The following SSUH2 variants were observed in gnomAD, a reference collection of about 807,000 sequenced individuals.
SSUH2 encodes protein SSUH2 homolog.
SSUH2 carries 47 observed loss-of-function variants against 55.3 expected under a neutral mutation model. The observed-to-expected ratio is 0.85, with a 90% CI of 0.67 to 1.08. SSUH2 has a LOEUF of 1.08. SSUH2 is among the 50% of genes least tolerant of loss of function. The pLI is 0.00. For synonymous variants in SSUH2, 212 were observed against 191.5 expected (o/e 1.11, Z -0.89); for missense variants, 535 against 490.7 (o/e 1.09, Z -0.85).
At chr3:8,676,532 A>T (rs1216087220) in intron 3 of SSUH2, among the ~76,000 whole-genome samples, 4 of 150,968 alleles carry the variant, frequency 2.6e-5, no homozygotes, top group South Asian at 2.1e-4. Flanking sequence ...CACGGGGGTG[A>T]ATACTTACTG....
rs750214948 is a variant in SSUH2 at position 8,633,770 on chromosome 3, C to T, written c.235G>A (p.Ala79Thr). The change falls in exon 4 of 12, where the codon GCC becomes ACC. Residue 79 changes from alanine to threonine, a missense_variant. Physicochemically the swap from Ala to Thr is moderately conservative, Grantham distance 58 (BLOSUM62 0). Coordinates refer to ENST00000544814, the MANE Select transcript of SSUH2 (RefSeq NM_001256748.3). ...HRVPAMTEEV[A>T]REALLSFVDS... ...ACAAAGCTGAGGAGGGCTTCCCGGGCCACCTCCTCCGTCATCGCAGGGACT... is the reference window on the plus strand; with the variant it reads ...ACAAAGCTGAGGAGGGCTTCCCGGGTCACCTCCTCCGTCATCGCAGGGACT... 48 of 1,611,424 alleles carry T rather than the reference C, an allele frequency of 3.0e-5. 1 individual carries two copies. The South Asian group carries it at 4.7e-4, about 16-fold the overall frequency.
At chr3:8,640,077 G>A in intron 1 of SSUH2, 1 of 829,980 alleles carries the variant, frequency 1.2e-6, no homozygotes, top group Non-Finnish European at 1.5e-6. Flanking sequence ...GGGCTGTGGG[G>A]AGAAGGGAAT....
At chr3:8,647,891 C>T (rs1228565769), upstream of SSUH2, among the ~76,000 whole-genome samples, 1 of 152,186 alleles carries the variant, frequency 6.6e-6, no homozygotes, top group African/African-American at 2.4e-5. Flanking sequence ...GTGCCCATGG[C>T]AGGAATCAAG....
intron 5 of SSUH2, among the ~76,000 whole-genome samples, chr3:8,667,327 G>A (rs1704082274): frequency 1.3e-5 from 2 of 152,300 alleles, no homozygotes; most frequent in South Asian, 4.2e-4. Context: ...TCATGGTGCT[G>A]GTGGGCATGT....
chr3:8,626,437 T>C (rs1697544235), intron 8 of SSUH2, 116 bp from the exon 9 acceptor site: 1 of 731,266 alleles, frequency 1.4e-6, no homozygotes, highest in African/African-American at 1.7e-5. Context: ...CCTGCATTGT[T>C]TGTACCTGCC....
rs939047755 is a variant in SSUH2, at chr3:8,635,328, T to C, written c.181A>G (p.Arg61Gly). The C allele has an allele frequency of 1.2e-5, 19 of 1,535,850 alleles. No homozygotes were observed. The Admixed American group carries it at 3.7e-4, about 30-fold the overall frequency. The part of the protein sequence containing the change: ...LEAPGRPQEQ[R>G]SWPSFLEHRV... ...TGTTCCAGGAACGAGGGCCAGGACCTTTGCTCCTGGGGCCTCCCTGGGGCC... is the reference window on the plus strand; with the variant it reads ...TGTTCCAGGAACGAGGGCCAGGACCCTTGCTCCTGGGGCCTCCCTGGGGCC... The change falls in exon 3 of 12, where the codon AGG becomes GGG. Residue 61 changes from arginine to glycine, a missense_variant. By Grantham distance (125) the Arg-to-Gly change is moderately radical (BLOSUM62 -2). Transcript: ENST00000544814.
intron 4 of SSUH2, among the ~76,000 whole-genome samples, chr3:8,633,028 A>G (rs377527192): frequency 6.6e-5 from 10 of 152,274 alleles, no homozygotes; most frequent in South Asian, 2.1e-4. Context: ...TCTGTAAACC[A>G]GTGACAGTGA....
At chr3:8,655,828 C>T (rs1283539648) in intron 7 of SSUH2, among the ~76,000 whole-genome samples, 3 of 152,160 alleles carry the variant, frequency 2.0e-5, no homozygotes, top group South Asian at 4.1e-4. Context: ...GCAGAAGACT[C>T]GGGAGGCAAA....
chr3:8,623,431 C>G, intron 11 of SSUH2, 118 bp downstream of exon 11: 1 of 703,062 alleles, frequency 1.4e-6, no homozygotes, highest in Non-Finnish European at 2.5e-6. Flanking sequence ...CACACTCCTC[C>G]CCCGGGACCT....
chr3:8,634,028 T>C, intron 3 of SSUH2: 2 of 1,399,434 alleles, frequency 1.4e-6, no homozygotes, highest in East Asian at 2.4e-5. Flanking sequence ...TTAGTTGAAA[T>C]GTGGAGCTTA....
intron 5 of SSUH2, among the ~76,000 whole-genome samples, chr3:8,668,675 C>A (rs567581094): frequency 2.6e-5 from 4 of 152,098 alleles, no homozygotes; most frequent in Non-Finnish European, 5.9e-5. Context: ...ATCTTTTCAG[C>A]CTTTCACTGA....
At chr3:8,626,111 T>G in intron 9 of SSUH2, 118 bp downstream of exon 9, 1 of 774,046 alleles carries the variant, frequency 1.3e-6, no homozygotes, top group Non-Finnish European at 2.3e-6. Flanking sequence ...TTCTAAGTCC[T>G]GGCAGGTTCT....
At chr3:8,658,587 C>T (rs1703171313) in intron 7 of SSUH2, among the ~76,000 whole-genome samples, 1 of 152,206 alleles carries the variant, frequency 6.6e-6, no homozygotes, top group African/African-American at 2.4e-5. Context: ...GGGTGGTTTA[C>T]ACACTCGTTG....
chr3:8,673,073 T>C (rs912970448), intron 3 of SSUH2, among the ~76,000 whole-genome samples: 4 of 151,888 alleles, frequency 2.6e-5, no homozygotes, highest in Admixed American at 6.5e-5. Context: ...ATATTAATAT[T>C]AAGAAATCAT....
intron 8 of SSUH2, among the ~76,000 whole-genome samples, 189 bp from the exon 9 acceptor site, chr3:8,626,510 C>A (rs527530035): frequency 7.0e-6 from 1 of 143,880 alleles, no homozygotes; most frequent in Admixed American, 6.9e-5. Context: ...ACCCTTCCCC[C>A]ACCCAGCCCA....
At chr3:8,681,165 G>A (rs558658770) in intron 1 of SSUH2, among the ~76,000 whole-genome samples, 3 of 145,652 alleles carry the variant, frequency 2.1e-5, no homozygotes, top group African/African-American at 7.4e-5. Context: ...CATAGCAGGG[G>A]GGGGAGTCAC....
chr3:8,679,333 CCCG>C (rs1404188910), intron 2 of SSUH2, among the ~76,000 whole-genome samples: 1 of 41,118 alleles, frequency 2.4e-5, no homozygotes, highest in African/African-American at 5.5e-5. Flanking sequence ...AGCCCCTCTT[CCCG>C]CCCCTTGCTC....
intron 11 of SSUH2, among the ~76,000 whole-genome samples, chr3:8,622,100 T>A (rs1486648055): frequency 6.6e-6 from 1 of 152,128 alleles, no homozygotes; most frequent in Admixed American, 6.5e-5. Flanking sequence ...GGTCTCAGAG[T>A]CATGGCCATG....
At chr3:8,636,492 C>T (rs191716436) in intron 1 of SSUH2, among the ~76,000 whole-genome samples, 24 of 152,258 alleles carry the variant, frequency 1.6e-4, no homozygotes, top group African/African-American at 5.5e-4. Context: ...CTGCCTGAGC[C>T]CTACCCTAAT....
Sources: gnomAD v4.1 joint callset for allele counts (sites outside exome capture counted in the v4.1 genomes callset) on GRCh38, gnomAD v4.1.1 for gene constraint, MANE v1.5 for transcripts, NCBI Gene and HGNC (gene_info 2026-07-23, HGNC 2026-07-21) for gene names.